FIGNL2: variants seen among roughly 807,000 people sequenced by gnomAD.
FIGNL2 encodes the protein fidgetin like 2, also known as fidgetin-like protein 2.
For missense variants in FIGNL2, 1,060 were observed against 950.2 expected, an observed-to-expected ratio of 1.12 and a Z score of -1.52; for synonymous variants, 565 against 484.0, an observed-to-expected ratio of 1.17 and a Z score of -2.20.
In FIGNL2 at chr12:51,821,340, C is replaced by A. The variant is rs1174960721; in HGVS notation, c.1074G>T (p.Gly358=). The part of the protein sequence containing the change: ...FPERAPAPRG[G]FAVPSGETPK... The stretch of plus-strand genomic sequence containing the variant: ...GAGTCTCCCCCGACGGCACGGCGAA[C>A]CCCCCACGAGGAGCCGGGGCCCGCT... Residue 358 remains glycine (G), a synonymous_variant, in exon 2 of 2, where the codon GGG becomes GGT. Coordinates refer to ENST00000618634, the MANE Select transcript of FIGNL2 (RefSeq NM_001384995.1). 6.7e-7 allele frequency: 1 copy of A among 1,496,690 alleles called. No individual in the cohort carries two copies. Among genetic ancestry groups the A allele is most frequent in the East Asian group, 2.7e-5 (1 of 37,118 alleles). 92.7% of individuals were successfully genotyped at this position (1,496,690 alleles called of 1,614,324 possible).
At chr12:51,826,089 T>G in intron 1 of FIGNL2, 1 of 152,210 alleles carries the variant, frequency 6.6e-6, no homozygotes, top group Non-Finnish European at 1.5e-5. Context: ...TACATCTGTA[T>G]CCATCTTGCA....
chr12:51,821,012 C>G lies in FIGNL2; in HGVS notation c.1402G>C (p.Glu468Gln). Residue 468 changes from glutamate to glutamine, a missense_variant, in exon 2 of 2, where the codon GAG becomes CAG. Coordinates refer to ENST00000618634, the MANE Select transcript of FIGNL2 (RefSeq NM_001384995.1). ...GATLAAPGAA[E>Q]GARLLQAAFA... The stretch of plus-strand genomic sequence containing the variant: ...GCGGCCTGGAGGAGGCGCGCGCCCT[C>G]GGCGGCGCCGGGCGCAGCCAGGGTC... The G allele has an allele frequency of 3.4e-6, 4 of 1,174,968 alleles. No homozygotes were observed. The highest frequency in any genetic ancestry group is 4.2e-6 in the Non-Finnish European group (4 of 953,494). 72.8% of individuals were successfully genotyped at this position (1,174,968 alleles called of 1,614,324 possible).
chr12:51,843,769 G>A (rs1029342570), intron 1 of FIGNL2, among the ~76,000 whole-genome samples: 2 of 152,078 alleles, frequency 1.3e-5, no homozygotes, highest in South Asian at 4.1e-4. Context: ...CATGTCGGAG[G>A]GGGCTTCAAA....
intron 1 of FIGNL2, among the ~76,000 whole-genome samples, chr12:51,830,217 A>C (rs1939425599): frequency 6.6e-6 from 1 of 151,566 alleles, no homozygotes; most frequent in South Asian, 2.1e-4. Flanking sequence ...TGAACCTGGA[A>C]GGCGGAGGTT....
intron 1 of FIGNL2, among the ~76,000 whole-genome samples, chr12:51,845,913 C>T (rs1844037476): frequency 1.7e-5 from 2 of 120,726 alleles, no homozygotes; most frequent in African/African-American, 6.4e-5. Flanking sequence ...AGGGAAGGGG[C>T]AAAGTCCTCC....
chr12:51,821,954 C>T lies in FIGNL2; in HGVS notation c.460G>A (p.Ala154Thr). The stretch of plus-strand genomic sequence containing the variant: ...TAGCCGGCCGCGTACTCGGGCGCCG[C>T]CGATGGGCCCCCGCACGCATTGCCG... ...YAGNACGGPS[A>T]APEYAAGYGG... The change falls in exon 2 of 2, where the codon GCG (alanine) becomes ACG (threonine). Residue 154 changes from alanine (A) to threonine (T), a missense_variant. By Grantham distance (58) the Ala-to-Thr change is moderately conservative. Coordinates refer to ENST00000618634, the MANE Select transcript of FIGNL2 (RefSeq NM_001384995.1). The T allele has an allele frequency of 1.3e-6, 2 of 1,531,040 alleles. No individual in the cohort carries two copies. Among genetic ancestry groups the T allele is most frequent in the African/African-American group, 1.4e-5 (1 of 71,568 alleles). 94.8% of individuals were successfully genotyped at this position (1,531,040 alleles called of 1,614,324 possible).
At chr12:51,832,748 C>T (rs1939496709) in intron 1 of FIGNL2, among the ~76,000 whole-genome samples, 1 of 152,176 alleles carries the variant, frequency 6.6e-6, no homozygotes, top group Non-Finnish European at 1.5e-5. Context: ...GAGATTTCTC[C>T]CCTGCACTCC....
intron 1 of FIGNL2, chr12:51,825,921 T>A (rs1003918294): frequency 6.6e-6 from 1 of 152,094 alleles, no homozygotes; most frequent in African/African-American, 2.4e-5. Context: ...CGGCCGACAC[T>A]CTTATCTAGA....
In FIGNL2 at chr12:51,820,829, C is replaced by G. The variant is rs1450371793; in HGVS notation, c.1585G>C (p.Val529Leu). The G allele has an allele frequency of 2.7e-6, 4 of 1,465,044 alleles. No individual in the cohort carries two copies. Among genetic ancestry groups the G allele is most frequent in the Non-Finnish European group, 3.6e-6 (4 of 1,115,990 alleles). 90.8% of individuals were successfully genotyped at this position (1,465,044 alleles called of 1,614,324 possible). The change falls in exon 2 of 2, where the codon GTG (valine) becomes CTG (leucine). Residue 529 changes from valine (V) to leucine (L), a missense_variant. Coordinates refer to ENST00000618634, the MANE Select transcript of FIGNL2 (RefSeq NM_001384995.1). Reference protein sequence around the residue: ...DGGCGAGADGVLVVGTTSRPA... With the variant: ...DGGCGAGADGLLVVGTTSRPA... ...CGCGAGGTGGTGCCCACAACCAGCA[C>G]GCCGTCAGCCCCCGCGCCGCAGCCC... is the stretch of plus-strand genomic sequence containing the variant.
At chr12:51,826,034 A>G (rs1208206925) in intron 1 of FIGNL2, 1 of 152,146 alleles carries the variant, frequency 6.6e-6, no homozygotes, top group Admixed American at 6.5e-5. Flanking sequence ...AAATGAAGTC[A>G]TTGGGCAAAG....
chr12:51,824,452 C>T (rs760642258), intron 1 of FIGNL2: 1 of 152,222 alleles, frequency 6.6e-6, no homozygotes. Flanking sequence ...AAGCTATTTA[C>T]TCTCATCCCC....
intron 1 of FIGNL2, among the ~76,000 whole-genome samples, chr12:51,833,693 A>G (rs776159038): frequency 1.8e-4 from 27 of 152,216 alleles, no homozygotes; most frequent in African/African-American, 6.0e-4. Flanking sequence ...CACCCTGCCT[A>G]GCATCAAGTC....
In FIGNL2 at chr12:51,821,619, C is replaced by T; in HGVS notation, c.795G>A (p.Leu265=). ...AAPGAESGLS[L]KRKAADEGPE... ...GCCCCTCGTCGGCGGCCTTGCGCTTCAGCGACAGCCCGGATTCGGCACCCG... is the reference window on the plus strand; with the variant it reads ...GCCCCTCGTCGGCGGCCTTGCGCTTTAGCGACAGCCCGGATTCGGCACCCG... Residue 265 remains leucine (L), a synonymous_variant, in exon 2 of 2, where the codon CTG becomes CTA. Coordinates refer to ENST00000618634, the MANE Select transcript of FIGNL2 (RefSeq NM_001384995.1). The T allele has an allele frequency of 6.7e-7, 1 of 1,496,254 alleles. No homozygotes were observed. Among genetic ancestry groups the T allele is most frequent in the Admixed American group, 2.1e-5 (1 of 47,636 alleles). 92.7% of individuals were successfully genotyped at this position (1,496,254 alleles called of 1,614,324 possible). A position where few individuals can be genotyped will look rare whatever the true frequency, so the allele number is the denominator to read the frequency against.
intron 1 of FIGNL2, among the ~76,000 whole-genome samples, chr12:51,839,124 A>T (rs577236254): frequency 7.4e-6 from 1 of 135,210 alleles, no homozygotes; most frequent in East Asian, 2.1e-4. Context: ...CTCCTGCTTC[A>T]AGTCCCTCCT....
intron 1 of FIGNL2, among the ~76,000 whole-genome samples, chr12:51,829,729 A>G (rs1334157754): frequency 6.6e-6 from 1 of 151,716 alleles, no homozygotes; most frequent in African/African-American, 2.4e-5. Flanking sequence ...CTAACAGGGA[A>G]GAGAAAACAA....
intron 1 of FIGNL2, among the ~76,000 whole-genome samples, chr12:51,846,810 A>G (rs1373206172): frequency 6.6e-6 from 1 of 152,216 alleles, no homozygotes; most frequent in Non-Finnish European, 1.5e-5. Context: ...CACACAGCCT[A>G]ATTCCCTTTG....
rs1005353065 is a variant in FIGNL2 at position 51,817,900 on chromosome 12, A to G, written c.*2552T>C. ...GCCCCCGAGAAATCTTCTGCAAACC[A>G]CATGTCATCGCTTTAATACTGTGTA... On this transcript the variant is annotated 3_prime_UTR_variant, in exon 2 of 2. Coordinates refer to ENST00000618634, the MANE Select transcript of FIGNL2 (RefSeq NM_001384995.1). The G allele has an allele frequency of 6.6e-6, 1 of 152,534 alleles. No homozygotes were observed. The highest frequency in any genetic ancestry group is 2.4e-5 in the African/African-American group (1 of 41,388). The allele number at this position is 152,534 out of a possible 1,614,324, so 9.4% of individuals were successfully genotyped here.
In FIGNL2 at chr12:51,828,729, C is replaced by T. The variant is rs187878250; in HGVS notation, c.-11-6305G>A. On this transcript the variant is annotated intron_variant, in intron 1 of 1. Coordinates refer to ENST00000618634, the MANE Select transcript of FIGNL2 (RefSeq NM_001384995.1). Reference sequence around the variant, plus strand: ...AGGCAGTAGGTATCCCCCCAGGCCACCCTGGCTTCCTGGGGCAGCAAATGC... The same window carrying T: ...AGGCAGTAGGTATCCCCCCAGGCCATCCTGGCTTCCTGGGGCAGCAAATGC... Among the ~76,000 whole-genome samples, 3 of 152,292 alleles carry T rather than the reference C, an allele frequency of 2.0e-5. No individual in the cohort carries two copies. In the East Asian group the frequency reaches 5.8e-4, roughly 29 times the overall value.
At chr12:51,847,173 C>T in intron 1 of FIGNL2, 1 of 985,358 alleles carries the variant, frequency 1.0e-6, no homozygotes, top group Non-Finnish European at 1.2e-6. Flanking sequence ...CTGAGAGGCT[C>T]GGGGAGGCTT....
Sources: allele counts gnomAD v4.1 joint callset (sites outside exome capture counted in the v4.1 genomes callset), GRCh38; gene constraint gnomAD v4.1.1; transcripts MANE v1.5; gene names NCBI Gene and HGNC (gene_info 2026-07-23, HGNC 2026-07-21).